Variants in PDE7B observed in about 807,000 individuals in gnomAD.
PDE7B encodes the protein 3',5'-cyclic-AMP phosphodiesterase 7B.
Under a neutral mutation model 56.2 loss-of-function variants are expected in PDE7B, and 29 were observed. That is an observed-to-expected ratio of 0.52 (90% CI 0.38 to 0.70). The LOEUF is 0.70. Among genes scored for constraint, PDE7B ranks in the 30% least tolerant of loss-of-function variants. The probability of loss-of-function intolerance (pLI) is 0.00; values close to 1 mark genes in which losing one functional copy is unlikely to be tolerated. For synonymous variants in PDE7B, 197 were observed against 196.9 expected (o/e 1.00, Z 0.00); for missense variants, 490 against 565.0 (o/e 0.87, Z 1.35).
chr6:136,045,735 C>T (rs1776491432), intron 2 of PDE7B, among the ~76,000 whole-genome samples: 2 of 151,932 alleles, frequency 1.3e-5, no homozygotes, highest in Admixed American at 1.3e-4. Context: ...GACCGAGTCG[C>T]AGTTGCATGA....
Position 136,056,512 on chromosome 6 carries a change from C to CTTTTTTT in PDE7B, c.83-52188_83-52182dup, listed in dbSNP as rs542232291. 1.7e-4 allele frequency among the ~76,000 whole-genome samples: 9 copies of CTTTTTTT among 53,946 alleles called. 1 individual carries two copies. Among genetic ancestry groups the CTTTTTTT allele is most frequent in the South Asian group, 6.2e-4 (1 of 1,624 alleles). 35.4% of individuals were successfully genotyped at this position (53,946 alleles called of 152,430 possible). A position where few individuals can be genotyped will look rare whatever the true frequency, so the allele number is the denominator to read the frequency against. ...TCTGAGCTCCTTTGCAGATAGAATC[C>CTTTTTTT]TTTTTTTTTTTTTTTTTTTTTTTTT... On this transcript the variant is annotated intron_variant, in intron 2 of 12. Transcript: ENST00000308191.
chr6:135,935,216 A>ATATATATATATATATATT (rs1363801314), intron 1 of PDE7B, among the ~76,000 whole-genome samples: 2 of 96,592 alleles, frequency 2.1e-5, no homozygotes, highest in Admixed American at 1.3e-4. Flanking sequence ...ATATATATAT[A>ATATATATATATATATATT]TTTTCATGAT....
intron 1 of PDE7B, among the ~76,000 whole-genome samples, chr6:135,930,620 C>G (rs1216444733): frequency 6.6e-6 from 1 of 152,038 alleles, no homozygotes; most frequent in Non-Finnish European, 1.5e-5. Context: ...GCAATGCATT[C>G]AGTTGTTTGG....
intron 3 of PDE7B, among the ~76,000 whole-genome samples, chr6:136,141,502 C>T (rs1778325525): frequency 6.6e-6 from 1 of 152,112 alleles, no homozygotes; most frequent in Non-Finnish European, 1.5e-5. Context: ...GGGAGGATTC[C>T]CTCTTTTTCT....
intron 1 of PDE7B, among the ~76,000 whole-genome samples, chr6:135,920,241 C>T (rs867922028): frequency 1.5e-4 from 23 of 152,220 alleles, no homozygotes; most frequent in Middle Eastern, 3.4e-3. Context: ...GTGCCTATAT[C>T]TGCTTCATAT....
At chr6:135,907,652 GTAGT>G (rs951851254) in intron 1 of PDE7B, among the ~76,000 whole-genome samples, 5 of 151,832 alleles carry the variant, frequency 3.3e-5, no homozygotes, top group Non-Finnish European at 7.4e-5. Context: ...CCTAGAAAAA[GTAGT>G]TAGACAATGT....
chr6:135,906,402 T>C (rs1257745625), intron 1 of PDE7B, among the ~76,000 whole-genome samples: 1 of 152,198 alleles, frequency 6.6e-6, no homozygotes, highest in African/African-American at 2.4e-5. Flanking sequence ...AGCTCTCCCT[T>C]TGTCCTACTG....
intron 2 of PDE7B, among the ~76,000 whole-genome samples, chr6:136,002,168 C>A (rs1037706969): frequency 2.6e-5 from 4 of 152,086 alleles, no homozygotes; most frequent in Non-Finnish European, 5.9e-5. Context: ...TTTGTCACCA[C>A]CAGGCCTGGC....
At chr6:136,157,926 A>G (rs1778636808) in intron 8 of PDE7B, among the ~76,000 whole-genome samples, 1 of 152,172 alleles carries the variant, frequency 6.6e-6, no homozygotes, top group South Asian at 2.1e-4. Context: ...GTCTCTGATC[A>G]GTGTGTTGTG....
rs1296977414 is a variant in PDE7B, at chr6:136,192,466, T to C, written c.*626T>C. The C allele has an allele frequency of 6.6e-6, 1 of 152,356 alleles. No homozygotes were observed. The highest frequency in any genetic ancestry group is 1.5e-5 in the Non-Finnish European group (1 of 68,036). 9.4% of individuals were successfully genotyped at this position (152,356 alleles called of 1,614,324 possible). A position where few individuals can be genotyped will look rare whatever the true frequency, so the allele number is the denominator to read the frequency against. ...GGGGTTCATTGTTTTGCTATTGACT[T>C]TATTATGCCACTTTGGGGCAGAGAC... On this transcript the variant is annotated 3_prime_UTR_variant, in exon 13 of 13. Transcript: ENST00000308191.
intron 2 of PDE7B, among the ~76,000 whole-genome samples, chr6:135,954,074 T>C (rs1774747437): frequency 6.6e-6 from 1 of 152,188 alleles, no homozygotes; most frequent in African/African-American, 2.4e-5. Context: ...GGAAGCATCA[T>C]TCCCCATCAC....
At chr6:136,055,898 T>C (rs1776719752) in intron 2 of PDE7B, among the ~76,000 whole-genome samples, 1 of 152,172 alleles carries the variant, frequency 6.6e-6, no homozygotes, top group Non-Finnish European at 1.5e-5. Context: ...GCTTCTTTCT[T>C]TGTATTAGTA....
chr6:135,945,833 A>G (rs938546037), intron 1 of PDE7B, among the ~76,000 whole-genome samples: 1 of 152,194 alleles, frequency 6.6e-6, no homozygotes, highest in African/African-American at 2.4e-5. Flanking sequence ...ATGGCCTCTC[A>G]AGGAAGACAG....
intron 1 of PDE7B, among the ~76,000 whole-genome samples, chr6:135,915,654 A>T (rs1349676251): frequency 1.3e-5 from 2 of 152,186 alleles, no homozygotes; most frequent in African/African-American, 2.4e-5. Flanking sequence ...CACCACGTCC[A>T]GGTATAGACC....
intron 2 of PDE7B, among the ~76,000 whole-genome samples, 179 bp downstream of exon 2, chr6:135,947,703 T>C (rs971968357): frequency 6.6e-6 from 1 of 152,096 alleles, no homozygotes; most frequent in Non-Finnish European, 1.5e-5. Flanking sequence ...GAAAAGGTTC[T>C]GATTTTCTTA....
intron 5 of PDE7B, among the ~76,000 whole-genome samples, 155 bp downstream of exon 5, chr6:136,149,305 G>A (rs1438958226): frequency 6.6e-6 from 1 of 152,276 alleles, no homozygotes; most frequent in East Asian, 1.9e-4. Flanking sequence ...CGGGGTAAGG[G>A]AAAATCAACT....
intron 2 of PDE7B, among the ~76,000 whole-genome samples, chr6:136,063,812 C>G (rs1345656002): frequency 6.6e-6 from 1 of 152,188 alleles, no homozygotes; most frequent in Non-Finnish European, 1.5e-5. Context: ...ATATCCAACC[C>G]TCTCATTTCC....
chr6:136,023,296 C>A (rs115225743), intron 2 of PDE7B, among the ~76,000 whole-genome samples: 1 of 152,164 alleles, frequency 6.6e-6, no homozygotes, highest in Non-Finnish European at 1.5e-5. Context: ...GATCCCAGGA[C>A]GAGCAGGACA....
At chr6:136,033,143 A>G (rs1776269614) in intron 2 of PDE7B, among the ~76,000 whole-genome samples, 1 of 152,242 alleles carries the variant, frequency 6.6e-6, no homozygotes, top group Admixed American at 6.5e-5. Flanking sequence ...ACACCGAAGT[A>G]TCAGATGTTC....
Sources: gnomAD v4.1 joint callset for allele counts (sites outside exome capture counted in the v4.1 genomes callset) on GRCh38, gnomAD v4.1.1 for gene constraint, MANE v1.5 for transcripts, NCBI Gene and HGNC (gene_info 2026-07-23, HGNC 2026-07-21) for gene names.